TRIM55: variants seen among roughly 807,000 people sequenced by gnomAD.
TRIM55 encodes tripartite motif-containing protein 55.
A neutral mutation model predicts 60.9 loss-of-function variants in TRIM55; 50 were observed. The ratio of observed to expected loss-of-function variants is 0.82; its 90% CI spans 0.65 to 1.04. The LOEUF is 1.04. TRIM55 is among the 50% of genes least tolerant of loss of function. TRIM55 has a pLI of 0.00. For missense variants in TRIM55, 681 were observed against 666.9 expected (o/e 1.02, Z -0.23); for synonymous variants, 237 against 238.1 (o/e 1.00, Z 0.04).
chr8:66,138,407 T>C (rs930458120), intron 4 of TRIM55, among the ~76,000 whole-genome samples: 3 of 152,240 alleles, frequency 2.0e-5, no homozygotes, highest in African/African-American at 7.2e-5. Flanking sequence ...GTTTGTTTTT[T>C]GGGATGGAGT....
At chr8:66,126,118 G>A (rs1354788335), upstream of TRIM55, among the ~76,000 whole-genome samples, 3 of 152,168 alleles carry the variant, frequency 2.0e-5, no homozygotes, top group African/African-American at 4.8e-5. Context: ...CTTGGAGGAA[G>A]GGGAAATGCA....
chr8:66,137,043 G>A lies in TRIM55; in HGVS notation c.508-52G>A, dbSNP rs367667077. 1.4e-4 allele frequency: 206 copies of A among 1,464,900 alleles called. 1 individual carries two copies. The highest frequency in any genetic ancestry group is 1.0e-3 in the Middle Eastern group (6 of 5,738). The allele number at this position is 1,464,900 out of a possible 1,614,324, so 90.7% of individuals were successfully genotyped here. A position where few individuals can be genotyped will look rare whatever the true frequency, so the allele number is the denominator to read the frequency against. On this transcript the variant is annotated intron_variant, in intron 3 of 9. Transcript: ENST00000315962. The stretch of plus-strand genomic sequence containing the variant: ...ACAATATTATGACCAATTCACAGTC[G>A]GGGTGGCTAGGAAACCCCTAAGATA...
chr8:66,151,373 A>C (rs1212810263), intron 7 of TRIM55, among the ~76,000 whole-genome samples: 1 of 152,228 alleles, frequency 6.6e-6, no homozygotes, highest in Non-Finnish European at 1.5e-5. Context: ...AACTTTGATC[A>C]CTTTGACTCA....
chr8:66,146,553 C>T (rs987331064), intron 4 of TRIM55, among the ~76,000 whole-genome samples: 2 of 152,156 alleles, frequency 1.3e-5, no homozygotes, highest in Non-Finnish European at 2.9e-5. Flanking sequence ...ACCTGTATTA[C>T]ATCTTAATAT....
chr8:66,121,239 G>A, the TRIM55 span, among the ~76,000 whole-genome samples: 1 of 152,188 alleles, frequency 6.6e-6, no homozygotes, highest in African/African-American at 2.4e-5. Flanking sequence ...TGGTGACTTT[G>A]CTTCAGTTTT....
chr8:66,143,506 T>A (rs1809938036), intron 4 of TRIM55, among the ~76,000 whole-genome samples: 1 of 152,090 alleles, frequency 6.6e-6, no homozygotes. Flanking sequence ...AATACAAACA[T>A]ACTAACAACT....
upstream of TRIM55, among the ~76,000 whole-genome samples, chr8:66,125,229 A>T (rs1808775419): frequency 6.6e-6 from 1 of 152,228 alleles, no homozygotes. Flanking sequence ...AACTTTCTCG[A>T]TTGAGACCTG....
chr8:66,125,656 C>A (rs1808791908), upstream of TRIM55, among the ~76,000 whole-genome samples: 1 of 152,194 alleles, frequency 6.6e-6, no homozygotes, highest in East Asian at 1.9e-4. Context: ...TTACCAGTTC[C>A]CGTCCTCCCT....
upstream of TRIM55, among the ~76,000 whole-genome samples, chr8:66,123,440 T>G (rs141448959): frequency 2.0e-5 from 3 of 152,196 alleles, no homozygotes; most frequent in Non-Finnish European, 4.4e-5. Flanking sequence ...TTTACTCTTT[T>G]TCATTGACAT....
In TRIM55 at chr8:66,137,192, T is replaced by C. The variant is rs1044673321; in HGVS notation, c.603+2T>C. 3.7e-6 allele frequency: 6 copies of C among 1,613,154 alleles called. No individual in the cohort carries two copies. The African/African-American group carries it at 8.0e-5, about 22-fold the overall frequency. ...GAAGACACCTGCAAAACTATCGAGG[T>C]GAGTCAGGTGACTCCCACAGCGTCT... On this transcript the variant is annotated splice_donor_variant, in intron 4 of 9. Coordinates refer to ENST00000315962, the MANE Select transcript of TRIM55 (RefSeq NM_184085.2). LOFTEE classifies it high-confidence loss of function.
intron 9 of TRIM55, among the ~76,000 whole-genome samples, chr8:66,160,153 C>G (rs1360257327): frequency 6.6e-6 from 1 of 152,158 alleles, no homozygotes; most frequent in Non-Finnish European, 1.5e-5. Flanking sequence ...AACCCCTACT[C>G]TTTCTCCCAA....
At position 66,152,405 on chromosome 8, in the gene TRIM55, C is replaced by T. The variant is rs759446548; in HGVS notation, c.1014C>T (p.Gly338=). ...REDEDEEEEE[G]GEGEKEGEGE... Reference sequence around the variant, plus strand: ...ATGAAGATGAAGAAGAAGAAGAAGGCGGAGAAGGAGAAAAAGAAGGAGAAG... The same window carrying T: ...ATGAAGATGAAGAAGAAGAAGAAGGTGGAGAAGGAGAAAAAGAAGGAGAAG... Residue 338 remains glycine (G), a synonymous_variant, in exon 8 of 10, where the codon GGC becomes GGT. Transcript: ENST00000315962. The T allele has an allele frequency of 4.4e-6, 7 of 1,598,838 alleles. No homozygotes were observed. The highest frequency in any genetic ancestry group is 2.2e-5 in the East Asian group (1 of 44,700).
In TRIM55 at chr8:66,150,220, G is replaced by A; in HGVS notation, c.841G>A (p.Ala281Thr). The change falls in exon 6 of 10, where the codon GCC becomes ACC. Residue 281 changes from alanine (A) to threonine (T), a missense_variant. Transcript: ENST00000315962. ...EPEMAVFLQN[A>T]KTLLKKISEA... ...TATCTTTTGTTTGCTTTCACAGAAT[G>A]CCAAAACCCTGCTAAAAAAGTAAGA... The A allele has an allele frequency of 1.2e-6, 2 of 1,613,114 alleles. No individual in the cohort carries two copies. The highest frequency in any genetic ancestry group is 1.7e-6 in the Non-Finnish European group (2 of 1,179,450).
chr8:66,163,767 T>C (rs889775415), intron 9 of TRIM55, among the ~76,000 whole-genome samples: 1 of 152,226 alleles, frequency 6.6e-6, no homozygotes, highest in African/African-American at 2.4e-5. Flanking sequence ...GGGCATGGTG[T>C]TCTGTACCTG....
intron 9 of TRIM55, among the ~76,000 whole-genome samples, chr8:66,163,028 T>C (rs894340530): frequency 5.9e-5 from 9 of 152,202 alleles, no homozygotes; most frequent in Non-Finnish European, 1.2e-4. Context: ...AATACTTTTG[T>C]AGAAATTCAA....
In TRIM55 at chr8:66,133,501, G is replaced by A. The variant is rs77550184; in HGVS notation, c.342-1489G>A. 5.3e-3 allele frequency among the ~76,000 whole-genome samples: 801 copies of A among 152,292 alleles called. 7 individuals are homozygous for A. Among genetic ancestry groups the A allele is most frequent in the Middle Eastern group, 0.024 (7 of 294 alleles). ...GGAGGATAATTTTCTCAATTGTGGA[G>A]TTGACTTCCTTATTTGAGTTCCAAA... On this transcript the variant is annotated intron_variant, in intron 2 of 9. Coordinates refer to ENST00000315962, the MANE Select transcript of TRIM55 (RefSeq NM_184085.2).
chr8:66,173,601 C>T (rs183954578), intron 9 of TRIM55, among the ~76,000 whole-genome samples: 86 of 152,282 alleles, frequency 5.6e-4, no homozygotes, highest in African/African-American at 1.9e-3. Flanking sequence ...AACATGTTTG[C>T]TTATTTATCC....
At chr8:66,160,187 T>G (rs755762326) in intron 9 of TRIM55, among the ~76,000 whole-genome samples, 5 of 152,162 alleles carry the variant, frequency 3.3e-5, no homozygotes, top group Non-Finnish European at 5.9e-5. Flanking sequence ...CATGTATTAT[T>G]CTTATGCCTT....
upstream of TRIM55, among the ~76,000 whole-genome samples, chr8:66,123,074 C>T (rs1586154970): frequency 6.6e-6 from 1 of 152,332 alleles, no homozygotes; most frequent in African/African-American, 2.4e-5. Context: ...TACCCGGAAG[C>T]TTCTTCTGCA....
Sources: allele counts gnomAD v4.1 joint callset (sites outside exome capture counted in the v4.1 genomes callset), GRCh38; gene constraint gnomAD v4.1.1; transcripts MANE v1.5; gene names NCBI Gene and HGNC (gene_info 2026-07-23, HGNC 2026-07-21).